Variants in ARID2 observed in about 807,000 individuals in gnomAD.
ARID2 encodes the protein AT-rich interaction domain 2, also known as AT-rich interactive domain-containing protein 2.
In ARID2, 32 loss-of-function variants were observed where a neutral mutation model predicts 184.6. That is an observed-to-expected ratio of 0.17 (90% CI 0.13 to 0.23). ARID2 has a LOEUF of 0.23. ARID2 is among the 10% of genes least tolerant of loss of function. ARID2 has a pLI of 1.00. For synonymous variants in ARID2, 836 were observed against 772.6 expected (o/e 1.08, Z -1.36); for missense variants, 1,696 against 2,197.6 (o/e 0.77, Z 4.56).
chr12:45,751,305 A>G (rs895796760), intron 3 of ARID2, among the ~76,000 whole-genome samples: 3 of 152,206 alleles, frequency 2.0e-5, no homozygotes, highest in Admixed American at 2.0e-4. Flanking sequence ...TATGCTTGGT[A>G]TGTTCAAAGA....
chr12:45,843,770 C>T (rs1280149059), intron 11 of ARID2, among the ~76,000 whole-genome samples: 1 of 152,206 alleles, frequency 6.6e-6, no homozygotes, highest in East Asian at 1.9e-4. Context: ...AACCTTGACA[C>T]TGCAGATTTA....
chr12:45,774,225 GTTAAT>G (rs1369060818), intron 3 of ARID2, among the ~76,000 whole-genome samples: 2 of 152,032 alleles, frequency 1.3e-5, no homozygotes, highest in African/African-American at 2.4e-5. Flanking sequence ...ATATAATAAT[GTTAAT>G]TTAAAGACAT....
intron 6 of ARID2, among the ~76,000 whole-genome samples, chr12:45,835,296 A>G (rs960617142): frequency 6.6e-6 from 1 of 151,918 alleles, no homozygotes; most frequent in Non-Finnish European, 1.5e-5. Context: ...TTTGTGTCTG[A>G]TATCTTTAAT....
At chr12:45,839,187 G>A (rs1483251614) in intron 10 of ARID2, 142 bp from the exon 11 acceptor site, 1 of 839,716 alleles carries the variant, frequency 1.2e-6, no homozygotes, top group Non-Finnish European at 1.7e-6. Flanking sequence ...TTTTAAAGAT[G>A]CACAGGTAAT....
At chr12:45,842,370 CATAT>C (rs563908199) in intron 11 of ARID2, 2 of 150,994 alleles carry the variant, frequency 1.3e-5, no homozygotes, top group Admixed American at 6.6e-5. Flanking sequence ...TATACACACA[CATAT>C]ATAAAACACA....
At chr12:45,826,236 T>A (rs1222423727) in intron 6 of ARID2, among the ~76,000 whole-genome samples, 1 of 152,126 alleles carries the variant, frequency 6.6e-6, no homozygotes, top group Non-Finnish European at 1.5e-5. Context: ...TTTACACAGT[T>A]TTTTTACAAA....
chr12:45,881,047 T>G (rs143588371), intron 16 of ARID2: 11 of 177,884 alleles, frequency 6.2e-5, no homozygotes, highest in Admixed American at 2.3e-4. Context: ...CATGGCCTAG[T>G]TGTAGTCCTG....
chr12:45,806,565 T>C (rs569063460), intron 3 of ARID2, among the ~76,000 whole-genome samples: 3 of 152,302 alleles, frequency 2.0e-5, no homozygotes, highest in African/African-American at 4.8e-5. Flanking sequence ...GTTTATTTCC[T>C]TTCCATATAG....
In ARID2 at chr12:45,850,350, G is replaced by A. The variant is rs756592035; in HGVS notation, c.2227G>A (p.Val743Ile). The A allele has an allele frequency of 1.2e-6, 2 of 1,613,998 alleles. No homozygotes were observed. Among genetic ancestry groups the A allele is most frequent in the Non-Finnish European group, 1.7e-6 (2 of 1,180,010 alleles). The stretch of plus-strand genomic sequence containing the variant: ...TGGAGGAGGACCTCCACAGAGTTCT[G>A]TTGTTCAGAATCATAGTACAGGGCC... ...AVGGGPPQSS[V>I]VQNHSTGPQP... The change falls in exon 15 of 21, where the codon GTT becomes ATT. Residue 743 changes from valine to isoleucine, a missense_variant. Val to Ile is a conservative substitution (Grantham distance 29). Coordinates refer to ENST00000334344, the MANE Select transcript of ARID2 (RefSeq NM_152641.4).
At chr12:45,881,893 AG>A (rs1208246452) in intron 16 of ARID2, 3 of 208,442 alleles carry the variant, frequency 1.4e-5, no homozygotes, top group African/African-American at 7.1e-5. Flanking sequence ...GGATCTGGGG[AG>A]GTTTTCACCC....
chr12:45,750,258 G>A (rs903138279), intron 3 of ARID2, among the ~76,000 whole-genome samples: 1 of 152,188 alleles, frequency 6.6e-6, no homozygotes, highest in African/African-American at 2.4e-5. Flanking sequence ...AGAATGACCA[G>A]TCAGTGGAGT....
chr12:45,866,068 A>G (rs1394078847), intron 16 of ARID2, among the ~76,000 whole-genome samples: 1 of 152,106 alleles, frequency 6.6e-6, no homozygotes, highest in Non-Finnish European at 1.5e-5. Flanking sequence ...CATGAAAAGT[A>G]TACATGTATA....
In ARID2 at chr12:45,773,671, C is replaced by A. The variant is rs186541994; in HGVS notation, c.285-37747C>A. On this transcript the variant is annotated intron_variant, in intron 3 of 20. Coordinates refer to ENST00000334344, the MANE Select transcript of ARID2 (RefSeq NM_152641.4). ...CAACTTTCTAGAAAGATACAAACTA[C>A]CAAAATTGACTTAAAAAAAAAAGAC... Among the ~76,000 whole-genome samples, 240 of 151,614 alleles carry A rather than the reference C, an allele frequency of 1.6e-3. 1 individual carries two copies. Among genetic ancestry groups the A allele is most frequent in the African/African-American group, 5.5e-3 (228 of 41,370 alleles).
intron 3 of ARID2, among the ~76,000 whole-genome samples, chr12:45,743,077 G>A (rs978699124): frequency 1.3e-5 from 2 of 151,860 alleles, no homozygotes; most frequent in African/African-American, 4.8e-5. Context: ...GAGTTGGCTG[G>A]GCATGGTGGC....
rs745425739 is a variant in ARID2 at position 45,852,199 on chromosome 12, A to T, written c.4076A>T (p.Asn1359Ile). 6.2e-7 allele frequency: 1 copy of T among 1,614,166 alleles called. No individual in the cohort carries two copies. Among genetic ancestry groups the T allele is most frequent in the Non-Finnish European group, 8.5e-7 (1 of 1,180,016 alleles). ...AGTGATTTGAGAAAACCGCTAGTTA[A>T]TGGAATCTGTGATTTTGATAAAGGA... Reference protein sequence around the residue: ...IKSDLRKPLVNGICDFDKGDG... With the variant: ...IKSDLRKPLVIGICDFDKGDG... Residue 1359 changes from asparagine to isoleucine, a missense_variant, in exon 15 of 21, where the codon AAT (asparagine) becomes ATT (isoleucine). Asn to Ile is a moderately radical substitution (Grantham distance 149). Coordinates refer to ENST00000334344, the MANE Select transcript of ARID2 (RefSeq NM_152641.4).
intron 16 of ARID2, among the ~76,000 whole-genome samples, chr12:45,890,692 A>G (rs1944287823): frequency 6.6e-6 from 1 of 152,212 alleles, no homozygotes; most frequent in Admixed American, 6.5e-5. Context: ...GTGTTATATA[A>G]TTCAGTATTT....
chr12:45,859,657 T>C (rs1943709075), intron 15 of ARID2, among the ~76,000 whole-genome samples: 1 of 152,186 alleles, frequency 6.6e-6, no homozygotes, highest in South Asian at 2.1e-4. Context: ...TATTAGTGTT[T>C]TTTCCAAGAG....
chr12:45,821,364 A>G, intron 5 of ARID2, 56 bp from the exon 6 acceptor site: 1 of 1,085,438 alleles, frequency 9.2e-7, no homozygotes, highest in Non-Finnish European at 1.3e-6. Context: ...TAAATAATTA[A>G]TTGAAAGAAT....
chr12:45,899,147 C>A (rs1944409850), intron 20 of ARID2, among the ~76,000 whole-genome samples: 1 of 150,842 alleles, frequency 6.6e-6, no homozygotes. Context: ...TGGCGCGTAC[C>A]TGTAGTCCCA....
Sources: allele counts gnomAD v4.1 joint callset (sites outside exome capture counted in the v4.1 genomes callset), GRCh38; gene constraint gnomAD v4.1.1; transcripts MANE v1.5; gene names NCBI Gene and HGNC (gene_info 2026-07-23, HGNC 2026-07-21).